Variants in CCDC175 observed in about 807,000 individuals in gnomAD.
The protein encoded by CCDC175 is coiled-coil domain-containing protein 175.
In CCDC175, 100 loss-of-function variants were observed where a neutral mutation model predicts 114.6. The observed-to-expected ratio is 0.87, with a 90% CI of 0.74 to 1.03. The LOEUF (loss-of-function observed/expected upper bound fraction) is 1.03, where lower values mean the gene tolerates loss of function less well. Ranked by LOEUF, CCDC175 falls within the 50% of genes least tolerant of loss-of-function variation. The pLI is 0.00. For missense variants in CCDC175, 880 were observed against 917.8 expected, an observed-to-expected ratio of 0.96 and a Z score of 0.53; for synonymous variants, 306 against 308.7, an observed-to-expected ratio of 0.99 and a Z score of 0.09.
intron 17 of CCDC175, among the ~76,000 whole-genome samples, chr14:59,514,510 A>G (rs1355857375): frequency 6.6e-6 from 1 of 152,236 alleles, no homozygotes; most frequent in Admixed American, 6.5e-5. Flanking sequence ...CGAGAACTAC[A>G]TGACAAATGC....
chr14:59,528,478 T>C (rs1343136284), intron 14 of CCDC175, among the ~76,000 whole-genome samples: 1 of 152,186 alleles, frequency 6.6e-6, no homozygotes, highest in Non-Finnish European at 1.5e-5. Flanking sequence ...TGATTTATCA[T>C]TGTCAGGCAG....
At chr14:59,530,553 GAA>G (rs1179392751) in intron 14 of CCDC175, among the ~76,000 whole-genome samples, 2 of 151,954 alleles carry the variant, frequency 1.3e-5, no homozygotes, top group Admixed American at 1.3e-4. Context: ...AAGAGGCCAA[GAA>G]AACCTACTTA....
intron 16 of CCDC175, among the ~76,000 whole-genome samples, chr14:59,524,528 G>A (rs1031457691): frequency 3.3e-5 from 5 of 152,104 alleles, no homozygotes; most frequent in African/African-American, 9.7e-5. Flanking sequence ...AAATTAGTGG[G>A]GCACCACTAC....
Position 59,521,646 on chromosome 14 carries a change from T to G in CCDC175, c.2026A>C (p.Lys676Gln), listed in dbSNP as rs1281562610. 1 of 1,532,768 alleles carries G rather than the reference T, an allele frequency of 6.5e-7. No homozygotes were observed. Among genetic ancestry groups the G allele is most frequent in the South Asian group, 1.2e-5 (1 of 83,904 alleles). 94.9% of individuals were successfully genotyped at this position (1,532,768 alleles called of 1,614,324 possible). A position where few individuals can be genotyped will look rare whatever the true frequency, so the allele number is the denominator to read the frequency against. ...YILYLKNNIE[K>Q]YREGQEALMH... ...AGGGCTTCTTGTCCTTCTCTGTATTTCTCTATGTTATTCTTCAAGTATAAA... is the reference window on the plus strand; with the variant it reads ...AGGGCTTCTTGTCCTTCTCTGTATTGCTCTATGTTATTCTTCAAGTATAAA... The change falls in exon 17 of 20, where the codon AAA becomes CAA. Residue 676 changes from lysine (K) to glutamine (Q), a missense_variant. Transcript: ENST00000537690.
chr14:59,565,540 C>T (rs185333668), intron 4 of CCDC175, among the ~76,000 whole-genome samples: 32 of 152,140 alleles, frequency 2.1e-4, no homozygotes, highest in African/African-American at 6.3e-4. Flanking sequence ...AACCCTGTCT[C>T]TACTAAAAAT....
At chr14:59,543,074 T>A (rs1231991885) in intron 10 of CCDC175, among the ~76,000 whole-genome samples, 1 of 152,120 alleles carries the variant, frequency 6.6e-6, no homozygotes, top group Non-Finnish European at 1.5e-5. Flanking sequence ...TGGGACTCAG[T>A]GTTGTGATAA....
At chr14:59,568,445 T>C in intron 3 of CCDC175, 65 bp from the exon 4 acceptor site, 2 of 1,276,496 alleles carry the variant, frequency 1.6e-6, no homozygotes, top group Non-Finnish European at 1.0e-6. Flanking sequence ...ATACTGACTT[T>C]CACGCAAAAA....
intron 16 of CCDC175, among the ~76,000 whole-genome samples, chr14:59,523,756 G>T (rs10147008): frequency 6.6e-6 from 1 of 151,960 alleles, no homozygotes; most frequent in African/African-American, 2.4e-5. Flanking sequence ...ATGGGAGGCC[G>T]AGGCGGGCGG....
intron 7 of CCDC175, among the ~76,000 whole-genome samples, chr14:59,557,359 C>T (rs1376331328): frequency 8.0e-5 from 12 of 150,924 alleles, no homozygotes; most frequent in East Asian, 2.0e-4. Context: ...AGCAAACTAT[C>T]GCAAGGACAA....
intron 11 of CCDC175, among the ~76,000 whole-genome samples, chr14:59,539,485 C>T (rs545266753): frequency 3.9e-5 from 6 of 152,082 alleles, no homozygotes; most frequent in Admixed American, 3.9e-4. Flanking sequence ...GAGGCTGAGG[C>T]AGGAGAATCA....
chr14:59,565,564 G>T (rs182819264), intron 4 of CCDC175, among the ~76,000 whole-genome samples: 1 of 151,980 alleles, frequency 6.6e-6, no homozygotes. Context: ...AAAATTAGCC[G>T]GGGATGGTGG....
In CCDC175 at chr14:59,565,064, GTT is replaced by G; in HGVS notation, c.701_702del (p.Lys234ThrfsTer8). 1 of 1,534,494 alleles carries G rather than the reference GTT, an allele frequency of 6.5e-7. No individual in the cohort carries two copies. The highest frequency in any genetic ancestry group is 8.7e-7 in the Non-Finnish European group (1 of 1,145,182). On this transcript the variant is annotated frameshift_variant, in exon 5 of 20. Transcript: ENST00000537690. LOFTEE classifies it high-confidence loss of function. The part of the protein sequence containing the change: ...EKERAEYLIR[K>X]QELTAQINEF... The stretch of plus-strand genomic sequence containing the variant: ...CCACTTACCTGTGCAGTCAACTCTT[GTT>G]TTCTTATTAGATATTCTGCCCTTTC...
chr14:59,554,019 T>G (rs1375771221), intron 7 of CCDC175, among the ~76,000 whole-genome samples: 4 of 152,060 alleles, frequency 2.6e-5, no homozygotes, highest in Non-Finnish European at 5.9e-5. Flanking sequence ...AATAATGGGA[T>G]ACTTTAACAC....
intron 13 of CCDC175, among the ~76,000 whole-genome samples, chr14:59,537,607 C>G (rs1460899616): frequency 6.6e-6 from 1 of 152,068 alleles, no homozygotes; most frequent in Non-Finnish European, 1.5e-5. Flanking sequence ...TCTCCACCTC[C>G]CCCAGCATCC....
At chr14:59,550,617 A>G (rs1471455236) in intron 8 of CCDC175, among the ~76,000 whole-genome samples, 1 of 152,170 alleles carries the variant, frequency 6.6e-6, no homozygotes, top group Non-Finnish European at 1.5e-5. Flanking sequence ...ACAAGGTCCC[A>G]CAATAGGCCA....
At chr14:59,541,302 A>G (rs1473876760) in intron 10 of CCDC175, among the ~76,000 whole-genome samples, 2 of 152,226 alleles carry the variant, frequency 1.3e-5, no homozygotes, top group African/African-American at 2.4e-5. Context: ...GAACTGGGGA[A>G]AAGTACTAAC....
At chr14:59,510,556 T>A (rs1164225475) in intron 19 of CCDC175, 90 bp downstream of exon 19, 1 of 1,296,282 alleles carries the variant, frequency 7.7e-7, no homozygotes, top group Non-Finnish European at 1.1e-6. Flanking sequence ...AGTCACTTAG[T>A]TGACACGTTT....
At chr14:59,527,954 A>G (rs1383320286) in intron 14 of CCDC175, among the ~76,000 whole-genome samples, 1 of 151,778 alleles carries the variant, frequency 6.6e-6, no homozygotes, top group African/African-American at 2.4e-5. Flanking sequence ...TATTATTCTT[A>G]TGTCGGACCT....
chr14:59,575,607 T>C (rs1320268173), intron 1 of CCDC175, among the ~76,000 whole-genome samples: 1 of 149,688 alleles, frequency 6.7e-6, no homozygotes, highest in East Asian at 2.0e-4. Context: ...CCTTCTGAGT[T>C]CAACGGATTC....
Sources: allele counts gnomAD v4.1 joint callset (sites outside exome capture counted in the v4.1 genomes callset), GRCh38; gene constraint gnomAD v4.1.1; transcripts MANE v1.5; gene names NCBI Gene and HGNC (gene_info 2026-07-23, HGNC 2026-07-21).